The following CNBD2 variants were observed in gnomAD, a reference collection of about 807,000 sequenced individuals.
CNBD2 encodes the protein cyclic nucleotide-binding domain-containing protein 2.
In CNBD2, 64 loss-of-function variants were observed where a neutral mutation model predicts 63.7. The ratio of observed to expected loss-of-function variants is 1.00; its 90% CI spans 0.82 to 1.24. CNBD2 has a LOEUF of 1.24. Ranked by LOEUF, CNBD2 falls within the 50% of genes most tolerant of loss-of-function variation. The pLI is 0.00. For synonymous variants in CNBD2, 229 were observed against 255.4 expected (o/e 0.90, Z 0.99); for missense variants, 691 against 713.5 (o/e 0.97, Z 0.36).
Position 35,995,112 on chromosome 20 carries a change from G to A in CNBD2, c.930G>A (p.Leu310=), listed in dbSNP as rs777552205. 1.9e-6 allele frequency: 3 copies of A among 1,613,946 alleles called. No individual in the cohort carries two copies. The highest frequency in any genetic ancestry group is 1.3e-5 in the African/African-American group (1 of 74,920). ...PSYRRWIWQH[L]ELIDGRPLKT... ...ACCGTAGATGGATCTGGCAGCACCT[G>A]GAGCTGATAGATGGCAGACCTCTGA... Residue 310 remains leucine, a synonymous_variant, in exon 8 of 12, where the codon CTG becomes CTA. Transcript: ENST00000373973.
At chr20:36,005,673 G>A (rs962518923) in intron 8 of CNBD2, among the ~76,000 whole-genome samples, 2 of 152,086 alleles carry the variant, frequency 1.3e-5, no homozygotes, top group Non-Finnish European at 2.9e-5. Flanking sequence ...TTGAGGGGCC[G>A]GGCATGGTGG....
chr20:35,981,693 G>T, intron 4 of CNBD2, among the ~76,000 whole-genome samples: 1 of 152,104 alleles, frequency 6.6e-6, no homozygotes, highest in Admixed American at 6.6e-5. Context: ...TTCCACCTCA[G>T]CCTCCCAAAA....
downstream of CNBD2, chr20:35,959,586 A>C (rs1600999924): frequency 6.6e-6 from 1 of 152,206 alleles, no homozygotes; most frequent in African/African-American, 2.4e-5. Context: ...GTATGGGGGA[A>C]CTACCCCCAT....
At chr20:35,962,730 T>C (rs1360939612) in intron 2 of CNBD2, among the ~76,000 whole-genome samples, 1 of 152,220 alleles carries the variant, frequency 6.6e-6, no homozygotes, top group African/African-American at 2.4e-5. Flanking sequence ...ATCTTTGCAC[T>C]CCCAGAATGA....
At chr20:35,957,452 G>T (rs1412935489), downstream of CNBD2, among the ~76,000 whole-genome samples, 1 of 152,112 alleles carries the variant, frequency 6.6e-6, no homozygotes, top group Non-Finnish European at 1.5e-5. Context: ...GCTGGGCTCG[G>T]TGGCTCATGC....
chr20:36,014,487 G>A (rs1347115562), intron 10 of CNBD2, among the ~76,000 whole-genome samples: 1 of 151,578 alleles, frequency 6.6e-6, no homozygotes, highest in Non-Finnish European at 1.5e-5. Flanking sequence ...ACGCCGCCAT[G>A]CCTGACTAAC....
At chr20:35,995,186 C>G in intron 8 of CNBD2, 34 bp downstream of exon 8, 1 of 1,438,356 alleles carries the variant, frequency 7.0e-7, no homozygotes, top group Non-Finnish European at 9.8e-7. Flanking sequence ...CAGCAGGGGG[C>G]GCCTGGGCCT....
intron 9 of CNBD2, among the ~76,000 whole-genome samples, chr20:36,009,092 G>A (rs552294919): frequency 1.0e-3 from 158 of 152,300 alleles, no homozygotes; most frequent in Non-Finnish European, 1.7e-3. Context: ...AGCTACTCAG[G>A]AGGCTGACAC....
chr20:35,975,877 A>G, intron 2 of CNBD2, 72 bp from the exon 3 acceptor site: 1 of 1,362,582 alleles, frequency 7.3e-7, no homozygotes, highest in Non-Finnish European at 1.0e-6. Context: ...GGTAGACAGG[A>G]GGGCTCTAGA....
chr20:36,022,217 T>TTTTTTTTTTTTTTTG (rs561441076), intron 10 of CNBD2, among the ~76,000 whole-genome samples: 1 of 107,120 alleles, frequency 9.3e-6, no homozygotes, highest in African/African-American at 4.9e-5. Flanking sequence ...TTTTTTTTTT[T>TTTTTTTTTTTTTTTG]GAGATGGAGT....
intron 1 of CNBD2, among the ~76,000 whole-genome samples, chr20:35,970,149 A>G (rs941388543): frequency 6.6e-6 from 1 of 152,176 alleles, no homozygotes; most frequent in Admixed American, 6.5e-5. Flanking sequence ...TATAAATACA[A>G]ATGAATAAAA....
At chr20:35,968,365 G>GTGACCAGAAACAAGTCC (rs61544093), upstream of CNBD2, among the ~76,000 whole-genome samples, 40,301 of 151,830 alleles carry the variant, frequency 0.27, 6,435 homozygotes, top group African/African-American at 0.45. Context: ...CAGCAGGGTT[G>GTGACCAGAAACAAGTCC]TGCCATTCTC....
intron 7 of CNBD2, 113 bp from the exon 8 acceptor site, chr20:35,994,925 A>C (rs2056802215): frequency 1.4e-6 from 1 of 692,810 alleles, no homozygotes; most frequent in South Asian, 1.9e-5. Context: ...CACTTGCATT[A>C]AGCAAATAAA....
upstream of CNBD2, among the ~76,000 whole-genome samples, chr20:35,963,593 G>A (rs1252832294): frequency 2.0e-5 from 3 of 151,116 alleles, no homozygotes; most frequent in African/African-American, 7.3e-5. Flanking sequence ...GTAAGCCAGG[G>A]TCGTGCCACT....
At chr20:35,993,314 C>G (rs2056774272) in intron 7 of CNBD2, among the ~76,000 whole-genome samples, 1 of 152,152 alleles carries the variant, frequency 6.6e-6, no homozygotes, top group Admixed American at 6.5e-5. Flanking sequence ...ACAAAATCCC[C>G]CCACAAAGCT....
At chr20:35,957,252 C>G (rs982261585), downstream of CNBD2, among the ~76,000 whole-genome samples, 2 of 152,090 alleles carry the variant, frequency 1.3e-5, no homozygotes, top group African/African-American at 4.8e-5. Context: ...AGTGATTCAG[C>G]AGTAAAAAAA....
In CNBD2 at chr20:36,008,625, A is replaced by T. The variant is rs1028293425; in HGVS notation, c.1148+151A>T. On this transcript the variant is annotated intron_variant, in intron 9 of 11. Transcript: ENST00000373973. ...GGATTGTGCATGAGGCAACCTAGAG[A>T]TGTCCTGGGTCTGAGAGCCAGGACC... 1.4e-4 allele frequency: 98 copies of T among 717,698 alleles called. No homozygotes were observed. In the African/African-American group the frequency reaches 1.6e-3, roughly 11 times the overall value. The allele number at this position is 717,698 out of a possible 1,614,324, so 44.5% of individuals were successfully genotyped here. A position where few individuals can be genotyped will look rare whatever the true frequency, so the allele number is the denominator to read the frequency against.
intron 11 of CNBD2, among the ~76,000 whole-genome samples, chr20:36,028,856 A>G (rs1164288246): frequency 2.6e-5 from 4 of 152,022 alleles, no homozygotes; most frequent in Non-Finnish European, 4.4e-5. Context: ...TTGTATTTTT[A>G]GTAGAGACAG....
At position 36,011,044 on chromosome 20, in the gene CNBD2, C is replaced by G. The variant is rs1300554747; in HGVS notation, c.1149-93C>G. On this transcript the variant is annotated intron_variant, in intron 9 of 11. Coordinates refer to ENST00000373973, the MANE Select transcript of CNBD2 (RefSeq NM_001365709.1). The stretch of plus-strand genomic sequence containing the variant: ...TTGTGAATTCCCCAGGGAGGGGAGC[C>G]CTCCATGTGCAGAAGAGTGAGGGCT... 5 of 1,279,260 alleles carry G rather than the reference C, an allele frequency of 3.9e-6. No homozygotes were observed. In the Admixed American group the frequency reaches 9.0e-5, roughly 23 times the overall value. 79.2% of individuals were successfully genotyped at this position (1,279,260 alleles called of 1,614,324 possible).
Sources: gnomAD v4.1 joint callset for allele counts (sites outside exome capture counted in the v4.1 genomes callset) on GRCh38, gnomAD v4.1.1 for gene constraint, MANE v1.5 for transcripts, NCBI Gene and HGNC (gene_info 2026-07-23, HGNC 2026-07-21) for gene names.